TRPM1: variants seen among roughly 807,000 people sequenced by gnomAD.
The protein encoded by TRPM1 is transient receptor potential cation channel subfamily M member 1.
In TRPM1, 113 loss-of-function variants were observed where a neutral mutation model predicts 149.4. The observed-to-expected ratio is 0.76, with a 90% CI of 0.65 to 0.88. TRPM1 has a LOEUF of 0.88. TRPM1 is among the 40% of genes least tolerant of loss of function. The pLI, the probability that TRPM1 is intolerant of heterozygous loss-of-function variation, is 0.00. For missense variants in TRPM1, 1,976 were observed against 2,038.7 expected, an observed-to-expected ratio of 0.97 and a Z score of 0.59; for synonymous variants, 741 against 759.5, an observed-to-expected ratio of 0.98 and a Z score of 0.40.
chr15:31,029,860 T>C (rs1018725458), intron 23 of TRPM1, among the ~76,000 whole-genome samples: 1 of 152,068 alleles, frequency 6.6e-6, no homozygotes, highest in Admixed American at 6.6e-5. Context: ...AAAGTTTACC[T>C]CTTTACCTTC....
At chr15:31,127,666 A>G (rs1486128446) in intron 1 of TRPM1, among the ~76,000 whole-genome samples, 1 of 152,146 alleles carries the variant, frequency 6.6e-6, no homozygotes, top group Non-Finnish European at 1.5e-5. Flanking sequence ...GCTCAGTTCC[A>G]TACTTGGGTG....
rs771390993 is a variant in TRPM1 at position 31,026,303 on chromosome 15, AAAAC to A, written c.3497-36_3497-33del. ...GAAGGGAGAAGTGTCGGCCACGTGAAAAACAAGAAGAATCAGTTTCGTGGCGTCA... is the reference window on the plus strand; with the variant it reads ...GAAGGGAGAAGTGTCGGCCACGTGAAAAGAAGAATCAGTTTCGTGGCGTCA... On this transcript the variant is annotated intron_variant, in intron 26 of 27. Coordinates refer to ENST00000256552, the MANE Select transcript of TRPM1 (RefSeq NM_001252024.2). The A allele has an allele frequency of 3.1e-6, 5 of 1,605,956 alleles. No individual in the cohort carries two copies. The East Asian group carries it at 1.1e-4, about 36-fold the overall frequency.
At chr15:31,069,032 T>C (rs1596036167) in intron 4 of TRPM1, among the ~76,000 whole-genome samples, 1 of 152,278 alleles carries the variant, frequency 6.6e-6, no homozygotes, top group South Asian at 2.1e-4. Context: ...AATGTTTCAG[T>C]ACAACATTTT....
chr15:31,089,726 G>A (rs2035173172), intron 1 of TRPM1, among the ~76,000 whole-genome samples: 1 of 152,220 alleles, frequency 6.6e-6, no homozygotes, highest in Admixed American at 6.5e-5. Flanking sequence ...CCTCTCCAAG[G>A]CCTGGAGCTT....
rs140043375 is a variant in TRPM1 at position 31,061,366 on chromosome 15, T to C, written c.1162+76A>G. The C allele has an allele frequency of 2.6e-4, 377 of 1,446,694 alleles. 3 individuals are homozygous for C. The African/African-American group carries it at 4.9e-3, about 19-fold the overall frequency. 89.6% of individuals were successfully genotyped at this position (1,446,694 alleles called of 1,614,324 possible). A position where few individuals can be genotyped will look rare whatever the true frequency, so the allele number is the denominator to read the frequency against. On this transcript the variant is annotated intron_variant, in intron 10 of 27. Coordinates refer to ENST00000256552, the MANE Select transcript of TRPM1 (RefSeq NM_001252024.2). Reference sequence around the variant, plus strand: ...GTCTAGCACCAGCAGACATAGTCCATGGGAGGCCGGGAGGGAAGGATTGCC... The same window carrying C: ...GTCTAGCACCAGCAGACATAGTCCACGGGAGGCCGGGAGGGAAGGATTGCC...
Position 31,136,822 on chromosome 15 carries a change from A to G in TRPM1, c.54+24084T>C, listed in dbSNP as rs888648240. Among the ~76,000 whole-genome samples the G allele has an allele frequency of 5.4e-5, 8 of 146,858 alleles. No individual in the cohort carries two copies. The Admixed American group carries it at 5.6e-4, about 10-fold the overall frequency. On this transcript the variant is annotated intron_variant, in intron 1 of 26. Coordinates refer to the TRPM1 transcript ENST00000542188. ...TGGAACACTAATTCTTTTTTATGGAATAAAGTATTGCCCAATTCTAGAATT... is the reference window on the plus strand; with the variant it reads ...TGGAACACTAATTCTTTTTTATGGAGTAAAGTATTGCCCAATTCTAGAATT...
chr15:31,012,887 C>T lies in TRPM1; in HGVS notation c.3630-9817G>A, dbSNP rs114042947. Among the ~76,000 whole-genome samples the T allele has an allele frequency of 4.5e-3, 684 of 151,938 alleles. 4 individuals are homozygous for T. The highest frequency in any genetic ancestry group is 0.015 in the African/African-American group (639 of 41,444). ...TCTTTAATCTACCTGCTCAAATGTG[C>T]TATTGGGCCTCTAGAGTGAATTTTT... On this transcript the variant is annotated intron_variant, in intron 27 of 27. Transcript: ENST00000256552.
intron 2 of TRPM1, 52 bp from the exon 3 acceptor site, chr15:31,077,036 T>C: frequency 8.3e-7 from 1 of 1,208,932 alleles, no homozygotes; most frequent in Admixed American, 1.7e-5. Context: ...CAAGCCATCA[T>C]CAGAGTCCAT....
intron 1 of TRPM1, among the ~76,000 whole-genome samples, chr15:31,121,236 A>AAAG (rs2035874212): frequency 6.6e-6 from 1 of 151,330 alleles, no homozygotes; most frequent in African/African-American, 2.4e-5. Flanking sequence ...AAAAAAAAAA[A>AAAG]AAAAAAAAGA....
chr15:31,033,781 G>A (rs749452355), intron 21 of TRPM1, among the ~76,000 whole-genome samples: 8 of 152,182 alleles, frequency 5.3e-5, no homozygotes, highest in Non-Finnish European at 1.2e-4. Flanking sequence ...TCGGTGTATG[G>A]TGGACCCTCA....
intron 11 of TRPM1, among the ~76,000 whole-genome samples, chr15:31,051,014 G>A (rs764823874): frequency 9.9e-5 from 15 of 152,234 alleles, no homozygotes; most frequent in Non-Finnish European, 1.8e-4. Context: ...AAAAGTGATT[G>A]TGAAGGGGGT....
intron 11 of TRPM1, 86 bp from the exon 12 acceptor site, chr15:31,050,668 T>C: frequency 2.1e-6 from 3 of 1,409,678 alleles, no homozygotes; most frequent in Non-Finnish European, 3.0e-6. Flanking sequence ...CCCACCTCTG[T>C]ATGTGCACAC....
chr15:31,090,415 G>A (rs371083882), intron 1 of TRPM1, among the ~76,000 whole-genome samples: 14 of 152,076 alleles, frequency 9.2e-5, no homozygotes, highest in South Asian at 2.1e-4. Flanking sequence ...GAGGCAGGCC[G>A]GTCACGAGGT....
chr15:31,033,170 C>G (rs188503648), intron 21 of TRPM1, among the ~76,000 whole-genome samples: 1 of 152,294 alleles, frequency 6.6e-6, no homozygotes, highest in East Asian at 1.9e-4. Flanking sequence ...GAAATGCCTT[C>G]TAAATTATGT....
rs1423016765 is a variant in TRPM1, at chr15:31,069,473, A to G, written c.279+558T>C. The G allele has an allele frequency of 4.8e-6, 5 of 1,046,354 alleles. No homozygotes were observed. The African/African-American group carries it at 6.7e-5, about 14-fold the overall frequency. 64.8% of individuals were successfully genotyped at this position (1,046,354 alleles called of 1,614,324 possible). A position where few individuals can be genotyped will look rare whatever the true frequency, so the allele number is the denominator to read the frequency against. ...AATTGCAAAAAGTCTGTGACTGGGC[A>G]TGTAGGAGTGTAATTCAGAGTGAGC... On this transcript the variant is annotated intron_variant, in intron 4 of 27. Transcript: ENST00000256552.
intron 1 of TRPM1, among the ~76,000 whole-genome samples, chr15:31,087,230 G>GTTTTTTTT (rs1486533022): frequency 1.1e-5 from 1 of 87,510 alleles, no homozygotes; most frequent in Non-Finnish European, 2.3e-5. Flanking sequence ...TCTCAATAGG[G>GTTTTTTTT]ATTTTTTTTT....
chr15:31,148,063 G>A (rs1029097500), intron 1 of TRPM1, among the ~76,000 whole-genome samples: 4 of 152,212 alleles, frequency 2.6e-5, no homozygotes, highest in African/African-American at 9.7e-5. Context: ...GTCAAGGAGG[G>A]ACAACAGGGA....
At chr15:31,116,330 C>T (rs924674002) in intron 1 of TRPM1, among the ~76,000 whole-genome samples, 7 of 152,008 alleles carry the variant, frequency 4.6e-5, no homozygotes, top group Non-Finnish European at 5.9e-5. Flanking sequence ...CTAAAGTGCC[C>T]GGCGCCGTGG....
At position 31,070,160 on chromosome 15, in the gene TRPM1, A is replaced by G; in HGVS notation, c.150T>C (p.Asn50=). ...TCTCCACCTGTTTGCTTTCCTCTTC[A>G]TTTTTGCTGGGTGTTGCACTTGGCA... ...PPLPSATPSK[N]EEESKQVETQ... The change falls in exon 4 of 28, where the codon AAT becomes AAC. Residue 50 remains asparagine (N), a synonymous_variant. Transcript: ENST00000256552. 3.1e-6 allele frequency: 5 copies of G among 1,613,990 alleles called. No individual in the cohort carries two copies. The East Asian group carries it at 1.1e-4, about 36-fold the overall frequency.
Sources: gnomAD v4.1 joint callset for allele counts (sites outside exome capture counted in the v4.1 genomes callset) on GRCh38, gnomAD v4.1.1 for gene constraint, MANE v1.5 for transcripts, NCBI Gene and HGNC (gene_info 2026-07-23, HGNC 2026-07-21) for gene names.